The following TSC2 variants were observed in gnomAD, a reference collection of about 807,000 sequenced individuals.
TSC2 encodes TSC complex subunit 2, also known as tuberin.
Under a neutral mutation model 202.2 loss-of-function variants are expected in TSC2, and 29 were observed. That is an observed-to-expected ratio of 0.14 (90% CI 0.11 to 0.20). TSC2 has a LOEUF of 0.20. Ranked by LOEUF, TSC2 falls within the 10% of genes least tolerant of loss-of-function variation. The pLI, the probability that TSC2 is intolerant of heterozygous loss-of-function variation, is 1.00. For synonymous variants in TSC2, 1,349 were observed against 1,044.0 expected, an observed-to-expected ratio of 1.29 and a Z score of -5.63; for missense variants, 2,429 against 2,420.0, an observed-to-expected ratio of 1.00 and a Z score of -0.08.
Position 2,075,452 on chromosome 16 carries a change from AG to A in TSC2, c.2546-342del, listed in dbSNP as rs765795337. Among the ~76,000 whole-genome samples the A allele has an allele frequency of 1.4e-4, 19 of 132,498 alleles. No individual in the cohort carries two copies. In the Admixed American group the frequency reaches 1.7e-3, roughly 12 times the overall value. 86.9% of individuals were successfully genotyped at this position (132,498 alleles called of 152,430 possible). A position where few individuals can be genotyped will look rare whatever the true frequency, so the allele number is the denominator to read the frequency against. ...TGAGGCAGGAGAATGGCGTGAACCC[AG>A]GGGGTGGAGCTTGCAGTGAGCCGGG... On this transcript the variant is annotated intron_variant, in intron 22 of 41. Transcript: ENST00000219476.
rs2088603401 is a variant in TSC2 at position 2,072,431 on chromosome 16, T to C, written c.2220+68T>C. 7 of 1,602,824 alleles carry C rather than the reference T, an allele frequency of 4.4e-6. No homozygotes were observed. In the South Asian group the frequency reaches 6.6e-5, roughly 15 times the overall value. ...GTTTTTCCCCAAAAGACTGCGAGCC[T>C]CTGGGCAGAGCGAGTGAGACCCTTC... On this transcript the variant is annotated intron_variant, in intron 20 of 41. Coordinates refer to ENST00000219476, the MANE Select transcript of TSC2 (RefSeq NM_000548.5).
rs780829685 is a variant in TSC2, at chr16:2,048,596, C to T, written c.-20C>T. The T allele has an allele frequency of 6.2e-7, 1 of 1,613,702 alleles. No individual in the cohort carries two copies. The highest frequency in any genetic ancestry group is 1.1e-5 in the South Asian group (1 of 91,090). ...TGTTTCGTTTGCACAGAGGGGTTTT[C>T]TGGTGCGTCCTGGTCCACCATGGCC... On this transcript the variant is annotated 5_prime_UTR_variant, in exon 2 of 42. Transcript: ENST00000219476.
At chr16:2,074,135 C>A (rs933220579) in intron 21 of TSC2, 65 bp from the exon 22 acceptor site, 1 of 1,599,036 alleles carries the variant, frequency 6.3e-7, no homozygotes, top group Non-Finnish European at 8.5e-7. Flanking sequence ...TCGAGGTTGG[C>A]GAGGGGTAGG....
chr16:2,056,855 G>C (rs2085914327), intron 8 of TSC2, 86 bp downstream of exon 8: 2 of 1,586,212 alleles, frequency 1.3e-6, no homozygotes, highest in Non-Finnish European at 8.6e-7. Flanking sequence ...ATGGTTGTCT[G>C]ATTCTTGGGG....
At chr16:2,070,359 G>C (rs2088089614) in intron 16 of TSC2, 97 bp from the exon 17 acceptor site, 13 of 1,606,930 alleles carry the variant, frequency 8.1e-6, no homozygotes, top group Non-Finnish European at 1.1e-5. Flanking sequence ...ACGCACTCTA[G>C]AGCAGCCGCC....
At position 2,048,081 on chromosome 16, in the gene TSC2, C is replaced by A; in HGVS notation, c.-30+16C>A. 2 of 1,428,548 alleles carry A rather than the reference C, an allele frequency of 1.4e-6. No homozygotes were observed. Among genetic ancestry groups the A allele is most frequent in the Non-Finnish European group, 1.8e-6 (2 of 1,097,634 alleles). The allele number at this position is 1,428,548 out of a possible 1,614,324, so 88.5% of individuals were successfully genotyped here. A position where few individuals can be genotyped will look rare whatever the true frequency, so the allele number is the denominator to read the frequency against. ...GCGGCGCGGGGTAAGTGGCGGTCCC[C>A]ACGGGGCAAGTGGCGGTCCCCACGG... On this transcript the variant is annotated intron_variant, in intron 1 of 41. Transcript: ENST00000219476.
intron 21 of TSC2, among the ~76,000 whole-genome samples, chr16:2,073,274 G>T (rs1275455821): frequency 6.6e-6 from 1 of 152,228 alleles, no homozygotes; most frequent in East Asian, 1.9e-4. Flanking sequence ...TCCCAAGGGG[G>T]AGGTGGCCAT....
In TSC2 at chr16:2,079,268, T is replaced by A. The variant is rs1456734210; in HGVS notation, c.3132-8T>A. 6.2e-7 allele frequency: 1 copy of A among 1,612,800 alleles called. No individual in the cohort carries two copies. Among genetic ancestry groups the A allele is most frequent in the Admixed American group, 1.7e-5 (1 of 59,992 alleles). On this transcript the variant is annotated splice_region_variant and splice_polypyrimidine_tract_variant and intron_variant, in intron 27 of 41. Coordinates refer to ENST00000219476, the MANE Select transcript of TSC2 (RefSeq NM_000548.5). This position sits in a 1 kb window ranked among gnomAD's most constrained non-coding sequence, Gnocchi z 4.6. ...GGCAAGCTGGGTTTCACGCTCCCTG[T>A]CTTCTAGGTCTCCTGTGGGCGAGTT...
chr16:2,085,442 G>T, intron 36 of TSC2, 120 bp downstream of exon 36: 2 of 1,056,532 alleles, frequency 1.9e-6, no homozygotes, highest in South Asian at 1.4e-5. Context: ...GTCCCCTACA[G>T]CATGAAGTGC....
rs763296043 is a variant in TSC2, at chr16:2,075,910, G to A, written c.2639+18G>A. ...CCCTCCAAGTGAGTGGTCGCCCCAG[G>A]CCCTGTGCCTCCCAGCCGTGGCCCC... On this transcript the variant is annotated intron_variant, in intron 23 of 41. Coordinates refer to ENST00000219476, the MANE Select transcript of TSC2 (RefSeq NM_000548.5). 2 of 1,613,024 alleles carry A rather than the reference G, an allele frequency of 1.2e-6. No individual in the cohort carries two copies. The highest frequency in any genetic ancestry group is 1.7e-5 in the Admixed American group (1 of 60,024).
intron 16 of TSC2, among the ~76,000 whole-genome samples, chr16:2,070,052 G>A (rs571198732): frequency 5.3e-5 from 8 of 152,062 alleles, no homozygotes; most frequent in East Asian, 1.9e-4. Flanking sequence ...TGCTGGCCTC[G>A]GCCCCAGGGT....
At chr16:2,071,026 T>C (rs2088266715) in intron 17 of TSC2, among the ~76,000 whole-genome samples, 1 of 148,578 alleles carries the variant, frequency 6.7e-6, no homozygotes, top group Non-Finnish European at 1.5e-5. Context: ...TGGAGGAGTT[T>C]CGCTGAGTTT....
chr16:2,069,692 G>A (rs979565108), intron 16 of TSC2, among the ~76,000 whole-genome samples: 2 of 152,184 alleles, frequency 1.3e-5, no homozygotes, highest in Non-Finnish European at 2.9e-5. Context: ...ATGTTAGCCA[G>A]GATGGTCTTG....
intron 16 of TSC2, chr16:2,066,082 A>C (rs7190284): frequency 0.12 from 21,298 of 174,434 alleles, 3,025 homozygotes; most frequent in African/African-American, 0.36. Flanking sequence ...TCTGCAGCCA[A>C]CCCCACAGTC....
At chr16:2,072,211 G>T (rs1245954291) in intron 19 of TSC2, 30 bp from the exon 20 acceptor site, 1 of 1,613,446 alleles carries the variant, frequency 6.2e-7, no homozygotes, top group Non-Finnish European at 8.5e-7. Flanking sequence ...GGTCCAGAAG[G>T]CCCTGTCCTG....
At chr16:2,083,028 C>G (rs1013513129) in intron 32 of TSC2, 4 of 444,354 alleles carry the variant, frequency 9.0e-6, no homozygotes, top group African/African-American at 8.0e-5. Flanking sequence ...TGCCAGGTCT[C>G]CACGTGCAGA....
intron 32 of TSC2, chr16:2,082,729 C>G (rs1411847234): frequency 3.2e-6 from 2 of 618,638 alleles, no homozygotes; most frequent in Admixed American, 4.9e-5. Context: ...CCACGCTGTG[C>G]GAGCACTCCC....
intron 6 of TSC2, chr16:2,055,734 T>C: frequency 1.9e-6 from 1 of 517,468 alleles, no homozygotes; most frequent in Admixed American, 3.0e-5. Context: ...CTACTAAAAA[T>C]ACAAAAATTA....
intron 1 of TSC2, 116 bp downstream of exon 1, chr16:2,048,181 C>T (rs1388021199): frequency 6.5e-7 from 1 of 1,537,844 alleles, no homozygotes; most frequent in African/African-American, 1.4e-5. Context: ...CAACCCGACT[C>T]CGGAGCTCCG....
Sources: allele counts gnomAD v4.1 joint callset (sites outside exome capture counted in the v4.1 genomes callset), GRCh38; gene constraint gnomAD v4.1.1; non-coding constraint Gnocchi (gnomAD v3.1); transcripts MANE v1.5; gene names NCBI Gene and HGNC (gene_info 2026-07-23, HGNC 2026-07-21).